Variants in SGCD observed in about 807,000 individuals in gnomAD.
The protein encoded by SGCD is sarcoglycan delta, also known as delta-sarcoglycan.
SGCD carries 18 observed loss-of-function variants against 36.6 expected under a neutral mutation model. The observed-to-expected ratio is 0.49, with a 90% CI of 0.34 to 0.73. The LOEUF (loss-of-function observed/expected upper bound fraction) is 0.73. Ranked by LOEUF, SGCD falls within the 30% of genes least tolerant of loss-of-function variation. The pLI is 0.01. For synonymous variants in SGCD, 133 were observed against 130.6 expected, an observed-to-expected ratio of 1.02 and a Z score of -0.12; for missense variants, 387 against 346.7, an observed-to-expected ratio of 1.12 and a Z score of -0.92.
At chr5:156,531,794 A>T (rs192727099) in intron 4 of SGCD, among the ~76,000 whole-genome samples, 19 of 151,442 alleles carry the variant, frequency 1.3e-4, no homozygotes, top group African/African-American at 4.6e-4. Context: ...AGTAATGGGA[A>T]AAAAAAAGAC....
At chr5:156,606,423 G>T (rs1293187331) in intron 6 of SGCD, among the ~76,000 whole-genome samples, 1 of 152,208 alleles carries the variant, frequency 6.6e-6, no homozygotes, top group Non-Finnish European at 1.5e-5. Context: ...TTTGGTACCA[G>T]TACCATGCTG....
At chr5:156,056,654 A>AAAAAAAAACAAAAC (rs1760069286) in intron 1 of SGCD, among the ~76,000 whole-genome samples, 1 of 137,832 alleles carries the variant, frequency 7.3e-6, no homozygotes, top group African/African-American at 2.8e-5. Context: ...TTAAAAAAAA[A>AAAAAAAAACAAAAC]AAAAAAAAAA....
At chr5:156,343,956 C>T (rs1195864267) in intron 2 of SGCD, among the ~76,000 whole-genome samples, 3 of 152,162 alleles carry the variant, frequency 2.0e-5, no homozygotes, top group Admixed American at 2.0e-4. Flanking sequence ...TCTGTAAGGA[C>T]CCCCCTTTTA....
chr5:156,474,875 T>C (rs1182138011), intron 3 of SGCD, among the ~76,000 whole-genome samples: 2 of 152,224 alleles, frequency 1.3e-5, no homozygotes, highest in African/African-American at 2.4e-5. Context: ...TTCTTGGACC[T>C]TGGAAATTAA....
chr5:156,577,128 C>T (rs1759994633), intron 4 of SGCD, among the ~76,000 whole-genome samples: 1 of 152,280 alleles, frequency 6.6e-6, no homozygotes, highest in East Asian at 1.9e-4. Flanking sequence ...TTTCAGCTTT[C>T]TACATACGGC....
intron 1 of SGCD, among the ~76,000 whole-genome samples, chr5:155,914,635 T>A (rs111337517): frequency 8.5e-5 from 13 of 152,284 alleles, no homozygotes; most frequent in African/African-American, 3.1e-4. Flanking sequence ...AATAAACAAT[T>A]TTTTAAAAAC....
chr5:156,501,745 T>C (rs1178700748), intron 3 of SGCD, among the ~76,000 whole-genome samples: 1 of 152,222 alleles, frequency 6.6e-6, no homozygotes, highest in African/African-American at 2.4e-5. Flanking sequence ...TACCGCACCC[T>C]GTATGGGAAT....
intron 3 of SGCD, among the ~76,000 whole-genome samples, chr5:156,145,721 C>T (rs1762694555): frequency 6.6e-6 from 1 of 152,182 alleles, no homozygotes; most frequent in Middle Eastern, 3.4e-3. Flanking sequence ...AAATGAAGCA[C>T]TTACTACCAA....
chr5:156,460,256 A>T (rs563294228), intron 3 of SGCD, among the ~76,000 whole-genome samples: 1 of 152,290 alleles, frequency 6.6e-6, no homozygotes, highest in East Asian at 1.9e-4. Flanking sequence ...TATCAACTGA[A>T]CAATGATTTA....
intron 3 of SGCD, among the ~76,000 whole-genome samples, chr5:156,459,891 G>A (rs761723521): frequency 6.6e-6 from 1 of 152,150 alleles, no homozygotes; most frequent in East Asian, 1.9e-4. Flanking sequence ...TTGGCTGAAA[G>A]ATTTCATGCT....
At position 156,127,986 on chromosome 5, in the gene SGCD, T is replaced by C. The variant is rs1004816203; in HGVS notation, c.-44+3967T>C. Among the ~76,000 whole-genome samples the C allele has an allele frequency of 4.8e-5, 7 of 147,184 alleles. No individual in the cohort carries two copies. In the East Asian group the frequency reaches 1.2e-3, roughly 26 times the overall value. ...TGCACAAACCATAAGAAGAAATAAA[T>C]ACTTTAAACTTCATGAAAATTAAAA... On this transcript the variant is annotated intron_variant, in intron 3 of 9. Transcript: ENST00000517913.
chr5:156,714,144 A>G (rs1276645648), intron 7 of SGCD, among the ~76,000 whole-genome samples: 3 of 152,244 alleles, frequency 2.0e-5, no homozygotes, highest in Admixed American at 1.3e-4. Flanking sequence ...GTGTTTACAC[A>G]TTTATTTATG....
chr5:156,110,203 C>T (rs10075096), intron 1 of SGCD, among the ~76,000 whole-genome samples: 28,062 of 152,016 alleles, frequency 0.18, 4,235 homozygotes, highest in East Asian at 0.46. Context: ...GATTGTTTCT[C>T]CCATGTGTGA....
At chr5:156,432,906 C>G (rs935496396) in intron 3 of SGCD, among the ~76,000 whole-genome samples, 4 of 152,142 alleles carry the variant, frequency 2.6e-5, no homozygotes, top group Admixed American at 6.5e-5. Flanking sequence ...AGATAACAAG[C>G]AGGGCTTTCA....
chr5:156,352,002 C>T (rs894860336), intron 3 of SGCD, among the ~76,000 whole-genome samples: 2 of 152,176 alleles, frequency 1.3e-5, no homozygotes, highest in Admixed American at 1.3e-4. Flanking sequence ...TCATCTCGGG[C>T]ATCTTCCTGT....
intron 7 of SGCD, among the ~76,000 whole-genome samples, chr5:156,710,369 C>T (rs1257739378): frequency 6.6e-6 from 1 of 152,148 alleles, no homozygotes; most frequent in Non-Finnish European, 1.5e-5. Flanking sequence ...AAAATACTTC[C>T]ATTTTTCAAA....
At chr5:156,141,983 C>T (rs1017854032) in intron 3 of SGCD, among the ~76,000 whole-genome samples, 2 of 152,120 alleles carry the variant, frequency 1.3e-5, no homozygotes, top group African/African-American at 4.8e-5. Flanking sequence ...TGTCTCCACC[C>T]AAATGTCATG....
intron 5 of SGCD, among the ~76,000 whole-genome samples, chr5:156,594,243 G>A (rs1257130609): frequency 1.3e-5 from 2 of 152,130 alleles, no homozygotes; most frequent in African/African-American, 2.4e-5. Context: ...GAATATAGAT[G>A]CTATGGAATC....
chr5:155,797,826 C>A, the SGCD span, among the ~76,000 whole-genome samples: 1 of 152,188 alleles, frequency 6.6e-6, no homozygotes, highest in Non-Finnish European at 1.5e-5. Flanking sequence ...GATAAACCAC[C>A]TTTGCAAGTG....
Sources: gnomAD v4.1 joint callset for allele counts (sites outside exome capture counted in the v4.1 genomes callset) on GRCh38, gnomAD v4.1.1 for gene constraint, MANE v1.5 for transcripts, NCBI Gene and HGNC (gene_info 2026-07-23, HGNC 2026-07-21) for gene names.